RALGPS1: variants seen among roughly 807,000 people sequenced by gnomAD.
RALGPS1 encodes ras-specific guanine nucleotide-releasing factor RalGPS1.
RALGPS1 carries 19 observed loss-of-function variants against 78.8 expected under a neutral mutation model. The ratio of observed to expected loss-of-function variants is 0.24; its 90% CI spans 0.17 to 0.35. RALGPS1 has a LOEUF of 0.35. RALGPS1 is among the 10% of genes least tolerant of loss of function. The pLI is 1.00. For missense variants in RALGPS1, 454 were observed against 688.3 expected (o/e 0.66, Z 3.81); for synonymous variants, 228 against 256.3 (o/e 0.89, Z 1.06).
intron 1 of RALGPS1, among the ~76,000 whole-genome samples, chr9:126,940,441 A>AT (rs56123533): frequency 0.063 from 8,483 of 134,718 alleles, 863 homozygotes; most frequent in African/African-American, 0.2. Flanking sequence ...TATATATATA[A>AT]TTTTTTTTTT....
intron 8 of RALGPS1, among the ~76,000 whole-genome samples, chr9:127,134,845 G>A (rs2057285754): frequency 6.6e-6 from 1 of 152,108 alleles, no homozygotes. Context: ...TCATTATAAT[G>A]TCTGTCAGAG....
chr9:127,178,570 T>C, intron 11 of RALGPS1: 1 of 866,856 alleles, frequency 1.2e-6, no homozygotes, highest in Non-Finnish European at 1.4e-6. Context: ...TAGCTAAATA[T>C]CACTGCCTCG....
chr9:127,147,359 G>C (rs1467486337), intron 8 of RALGPS1, among the ~76,000 whole-genome samples: 2 of 152,156 alleles, frequency 1.3e-5, no homozygotes, highest in African/African-American at 2.4e-5. Flanking sequence ...TTATTTTGCT[G>C]TGCAGAAGCT....
intron 7 of RALGPS1, among the ~76,000 whole-genome samples, chr9:127,055,202 C>T (rs2048635615): frequency 1.9e-5 from 2 of 103,712 alleles, no homozygotes; most frequent in Admixed American, 9.2e-5. Context: ...AATGCTTTTT[C>T]TATCTATCTA....
chr9:126,982,903 T>G (rs959908460), intron 4 of RALGPS1, among the ~76,000 whole-genome samples: 2 of 89,842 alleles, frequency 2.2e-5, no homozygotes, highest in Non-Finnish European at 4.3e-5. Context: ...TCTCTTCTTT[T>G]CTTCTTCTTC....
chr9:127,165,730 C>T (rs952587319), intron 8 of RALGPS1, among the ~76,000 whole-genome samples: 14 of 152,256 alleles, frequency 9.2e-5, no homozygotes, highest in Admixed American at 3.3e-4. Flanking sequence ...ACCTATTAAA[C>T]TTCAGCAGTT....
intron 18 of RALGPS1, 149 bp downstream of exon 18, chr9:127,214,991 G>GC: frequency 1.5e-6 from 2 of 1,361,482 alleles, no homozygotes; most frequent in Non-Finnish European, 2.0e-6. Flanking sequence ...CTTCCCTTGA[G>GC]ACAAGGCACC....
At chr9:127,054,424 G>A (rs553007828) in intron 7 of RALGPS1, among the ~76,000 whole-genome samples, 2 of 152,166 alleles carry the variant, frequency 1.3e-5, no homozygotes, top group Non-Finnish European at 2.9e-5. Flanking sequence ...ATCCCTATAA[G>A]CTGTACAGTT....
intron 14 of RALGPS1, among the ~76,000 whole-genome samples, chr9:127,206,900 C>T (rs895230846): frequency 7.2e-5 from 11 of 152,248 alleles, no homozygotes; most frequent in African/African-American, 2.6e-4. Flanking sequence ...GCCACTTCCA[C>T]CTCAATAGCA....
Position 127,205,031 on chromosome 9 carries a change from A to G in RALGPS1, c.1247+5965A>G, listed in dbSNP as rs1211574308. 6.6e-6 allele frequency among the ~76,000 whole-genome samples: 1 copy of G among 152,324 alleles called. No individual in the cohort carries two copies. Among genetic ancestry groups the G allele is most frequent in the Non-Finnish European group, 1.5e-5 (1 of 68,026 alleles). Reference sequence around the variant, plus strand: ...GCCAGTGGCCATTCTCAGGGTGACTACCGCAGAGGACCTCACTGTCCCCCA... The same window carrying G: ...GCCAGTGGCCATTCTCAGGGTGACTGCCGCAGAGGACCTCACTGTCCCCCA... On this transcript the variant is annotated intron_variant, in intron 14 of 18. Coordinates refer to ENST00000259351, the MANE Select transcript of RALGPS1 (RefSeq NM_014636.3). This position sits in a 1 kb window ranked among gnomAD's most constrained non-coding sequence, Gnocchi z 4.0.
intron 10 of RALGPS1, among the ~76,000 whole-genome samples, chr9:127,169,179 C>T: frequency 6.6e-6 from 1 of 152,196 alleles, no homozygotes; most frequent in Non-Finnish European, 1.5e-5. Flanking sequence ...TGCTGGGTGG[C>T]AAGGCAGCTT....
At chr9:127,046,557 C>T (rs2047794843) in intron 5 of RALGPS1, among the ~76,000 whole-genome samples, 1 of 151,492 alleles carries the variant, frequency 6.6e-6, no homozygotes, top group South Asian at 2.1e-4. Context: ...TGTCTACATG[C>T]TCTTGGTACA....
intron 18 of RALGPS1, among the ~76,000 whole-genome samples, chr9:127,216,386 T>A (rs147297601): frequency 6.4e-4 from 97 of 152,282 alleles, no homozygotes; most frequent in African/African-American, 2.3e-3. Flanking sequence ...TTCGGGGAAT[T>A]TGTCATAGGG....
intron 6 of RALGPS1, among the ~76,000 whole-genome samples, chr9:127,051,615 A>G (rs2048311626): frequency 6.6e-6 from 1 of 152,248 alleles, no homozygotes; most frequent in Non-Finnish European, 1.5e-5. Context: ...TACGAGATGT[A>G]TGAAATGAAG....
At position 127,212,019 on chromosome 9, in the gene RALGPS1, A is replaced by G. The variant is rs2062291808; in HGVS notation, c.1248-112A>G. On this transcript the variant is annotated intron_variant, in intron 14 of 18. Coordinates refer to ENST00000259351, the MANE Select transcript of RALGPS1 (RefSeq NM_014636.3). This position sits in a 1 kb window ranked among gnomAD's most constrained non-coding sequence, Gnocchi z 6.0. The stretch of plus-strand genomic sequence containing the variant: ...CCTTGCTCTGCGCCGTTAAGTCTGG[A>G]CTGCTGGGATGTCATGGACTTGGTA... 3 of 809,746 alleles carry G rather than the reference A, an allele frequency of 3.7e-6. No homozygotes were observed. Among genetic ancestry groups the G allele is most frequent in the Non-Finnish European group, 5.7e-6 (3 of 523,698 alleles). 50.2% of individuals were successfully genotyped at this position (809,746 alleles called of 1,614,324 possible). A position where few individuals can be genotyped will look rare whatever the true frequency, so the allele number is the denominator to read the frequency against.
At chr9:127,214,434 T>C (rs544783573) in intron 17 of RALGPS1, among the ~76,000 whole-genome samples, 1 of 152,312 alleles carries the variant, frequency 6.6e-6, no homozygotes, top group South Asian at 2.1e-4. Context: ...TGCTGGTTTG[T>C]TTTTTAGTTG....
intron 8 of RALGPS1, among the ~76,000 whole-genome samples, chr9:127,130,365 T>C (rs2056922237): frequency 6.6e-6 from 1 of 152,214 alleles, no homozygotes; most frequent in Admixed American, 6.5e-5. Context: ...TTTGGAGCCT[T>C]GTTATCTTGG....
intron 8 of RALGPS1, among the ~76,000 whole-genome samples, chr9:127,078,745 T>G (rs564285808): frequency 1.3e-5 from 2 of 152,334 alleles, no homozygotes; most frequent in South Asian, 4.1e-4. Flanking sequence ...TAAGCCCATT[T>G]TGTGCAAGAA....
At chr9:126,940,050 C>A (rs2036610525) in intron 1 of RALGPS1, among the ~76,000 whole-genome samples, 1 of 152,170 alleles carries the variant, frequency 6.6e-6, no homozygotes, top group South Asian at 2.1e-4. Flanking sequence ...AGGGGTGTGG[C>A]TACTCATCCA....
Sources: allele counts gnomAD v4.1 joint callset (sites outside exome capture counted in the v4.1 genomes callset), GRCh38; gene constraint gnomAD v4.1.1; non-coding constraint Gnocchi (gnomAD v3.1); transcripts MANE v1.5; gene names NCBI Gene and HGNC (gene_info 2026-07-23, HGNC 2026-07-21).